The following FAM186A variants were observed in gnomAD, a reference collection of about 807,000 sequenced individuals.
The protein encoded by FAM186A is family with sequence similarity 186 member A.
FAM186A carries 163 observed loss-of-function variants against 216.8 expected under a neutral mutation model. The observed-to-expected ratio is 0.75, with a 90% confidence interval of 0.66 to 0.86. FAM186A has a LOEUF of 0.86. FAM186A is among the 40% of genes least tolerant of loss of function. FAM186A has a pLI of 0.00. For synonymous variants in FAM186A, 805 were observed against 1,025.3 expected, an observed-to-expected ratio of 0.79 and a Z score of 4.10; for missense variants, 2,184 against 2,746.2, an observed-to-expected ratio of 0.80 and a Z score of 4.58.
At chr12:50,373,396 C>CA (rs1379286799) in intron 1 of FAM186A, among the ~76,000 whole-genome samples, 15 of 151,914 alleles carry the variant, frequency 9.9e-5, no homozygotes, top group African/African-American at 2.9e-4. Context: ...GACTCCATCT[C>CA]AAAAAAACAA....
intron 1 of FAM186A, among the ~76,000 whole-genome samples, chr12:50,395,772 T>C (rs1943406381): frequency 6.6e-6 from 1 of 152,168 alleles, no homozygotes; most frequent in African/African-American, 2.4e-5. Context: ...AAACTTTTTT[T>C]TTTTTTGAGA....
chr12:50,381,789 G>T (rs1943255651), intron 1 of FAM186A, among the ~76,000 whole-genome samples: 1 of 152,018 alleles, frequency 6.6e-6, no homozygotes, highest in East Asian at 1.9e-4. Context: ...GCAAGACCCT[G>T]TCTCTATAAA....
At chr12:50,368,941 T>G (rs1943115441) in intron 1 of FAM186A, among the ~76,000 whole-genome samples, 1 of 148,816 alleles carries the variant, frequency 6.7e-6, no homozygotes, top group African/African-American at 2.5e-5. Flanking sequence ...TCTAAGGCCA[T>G]CCAATGAGGA....
intron 1 of FAM186A, among the ~76,000 whole-genome samples, chr12:50,395,247 C>T (rs911922441): frequency 2.6e-5 from 4 of 151,872 alleles, no homozygotes; most frequent in Non-Finnish European, 5.9e-5. Flanking sequence ...AGCTAACATG[C>T]CTGGCTAATT....
chr12:50,327,353 C>T lies in FAM186A; in HGVS notation c.*30G>A, dbSNP rs2138753935. 1 of 1,529,866 alleles carries T rather than the reference C, an allele frequency of 6.5e-7. No homozygotes were observed. The highest frequency in any genetic ancestry group is 8.9e-7 in the Non-Finnish European group (1 of 1,127,910). The allele number at this position is 1,529,866 out of a possible 1,614,324, so 94.8% of individuals were successfully genotyped here. A position where few individuals can be genotyped will look rare whatever the true frequency, so the allele number is the denominator to read the frequency against. ...TTTTACTGAAAGATACTGAAATGTA[C>T]TTTCAACATGCTTGTATTTAATTTT... On this transcript the variant is annotated 3_prime_UTR_variant, in exon 8 of 8. Coordinates refer to ENST00000327337, the MANE Select transcript of FAM186A (RefSeq NM_001145475.3).
chr12:50,372,974 CGGAG>C (rs1761237097), intron 1 of FAM186A, among the ~76,000 whole-genome samples: 2 of 94,972 alleles, frequency 2.1e-5, no homozygotes, highest in African/African-American at 4.0e-5. Flanking sequence ...GAGGGAGGGA[CGGAG>C]GGAGGAAGGA....
At chr12:50,363,474 G>T in intron 1 of FAM186A, 110 bp from the exon 2 acceptor site, 1 of 974,544 alleles carries the variant, frequency 1.0e-6, no homozygotes, top group Non-Finnish European at 1.5e-6. Flanking sequence ...TCCAATTAAA[G>T]TCTTGCTAAT....
chr12:50,367,293 C>T (rs1228115176), intron 1 of FAM186A, among the ~76,000 whole-genome samples: 3 of 151,532 alleles, frequency 2.0e-5, no homozygotes, highest in Non-Finnish European at 2.9e-5. Flanking sequence ...CCGAGGCAGG[C>T]GGATCATGAG....
intron 1 of FAM186A, among the ~76,000 whole-genome samples, chr12:50,390,981 T>C (rs904225389): frequency 1.3e-5 from 2 of 151,982 alleles, no homozygotes; most frequent in Non-Finnish European, 2.9e-5. Context: ...TGAGCTACCA[T>C]GCCCTACCTC....
Position 50,389,889 on chromosome 12 carries a change from G to T in FAM186A, c.192+6404C>A, listed in dbSNP as rs140490394. Reference sequence around the variant, plus strand: ...CCACTAAGGAATCTTTGAAGTCCTTGATGATGGCACTAATTCTTCCAGGAA... The same window carrying T: ...CCACTAAGGAATCTTTGAAGTCCTTTATGATGGCACTAATTCTTCCAGGAA... On this transcript the variant is annotated intron_variant, in intron 1 of 7. Transcript: ENST00000327337. Among the ~76,000 whole-genome samples the T allele has an allele frequency of 2.0e-5, 3 of 152,318 alleles. No individual in the cohort carries two copies. The East Asian group carries it at 5.8e-4, about 29-fold the overall frequency.
Position 50,331,836 on chromosome 12 carries a change from A to G in FAM186A, c.6697-15T>C. On this transcript the variant is annotated splice_polypyrimidine_tract_variant and intron_variant, in intron 5 of 7. Coordinates refer to ENST00000327337, the MANE Select transcript of FAM186A (RefSeq NM_001145475.3). ...ATCTTTTTGAGCTATAAAAAAAAAT[A>G]GATCAGAAAAAGGAAACCATGAAAA... 2 of 1,510,188 alleles carry G rather than the reference A, an allele frequency of 1.3e-6. No homozygotes were observed. Among genetic ancestry groups the G allele is most frequent in the Admixed American group, 2.5e-5 (1 of 39,274 alleles). 93.5% of individuals were successfully genotyped at this position (1,510,188 alleles called of 1,614,324 possible).
chr12:50,351,085 G>C lies in FAM186A; in HGVS notation c.5747C>G (p.Pro1916Arg), dbSNP rs780007153. 75 of 1,551,536 alleles carry C rather than the reference G, an allele frequency of 4.8e-5. No individual in the cohort carries two copies. Among genetic ancestry groups the C allele is most frequent in the Non-Finnish European group, 6.5e-5 (74 of 1,146,976 alleles). The change falls in exon 4 of 8, where the codon CCT (proline) becomes CGT (arginine). Residue 1916 changes from proline to arginine, a missense_variant. By Grantham distance (103) the Pro-to-Arg change is moderately radical. Around this residue, in one of 7 missense-constraint regions of FAM186A, gnomAD observed 721 missense variants for 816.4 expected, o/e 0.88. Transcript: ENST00000327337. ...GATCCATAATGAAGAAGCTCGCCCA[G>C]GAAGGGTCCATGTTGCCAGATGCTG... Reference protein sequence around the residue: ...PGQHLATWTLPGRASSLWIPP... With the variant: ...PGQHLATWTLRGRASSLWIPP...
At chr12:50,372,986 G>GGAA (rs2136101731) in intron 1 of FAM186A, among the ~76,000 whole-genome samples, 1 of 19,560 alleles carries the variant, frequency 5.1e-5, no homozygotes, top group East Asian at 1.7e-3. Context: ...GAGGGAGGAA[G>GGAA]GAAGGAAGGA....
Position 50,352,927 on chromosome 12 carries a change from G to T in FAM186A, c.3905C>A (p.Pro1302His). 1 of 1,534,376 alleles carries T rather than the reference G, an allele frequency of 6.5e-7. No individual in the cohort carries two copies. The highest frequency in any genetic ancestry group is 8.8e-7 in the Non-Finnish European group (1 of 1,137,410). ...NPQQAQTLGI[P>H]LTPKQAQALG... ...AGCCTGTGCCTGCTTAGGGGTGAGA[G>T]GGATCCCCAGGGTCTGGGCCTGCTG... Residue 1302 changes from proline to histidine, a missense_variant, in exon 4 of 8, where the codon CCT (proline) becomes CAT (histidine). Pro to His is a moderately conservative substitution (Grantham distance 77). Transcript: ENST00000327337.
Position 50,355,127 on chromosome 12 carries a change from G to C in FAM186A, c.1705C>G (p.Pro569Ala), listed in dbSNP as rs1382740127. Residue 569 changes from proline to alanine, a missense_variant, in exon 4 of 8, where the codon CCC becomes GCC. Pro to Ala is a conservative substitution (Grantham distance 27). Around this residue, in one of 7 missense-constraint regions of FAM186A, gnomAD observed 1,132 missense variants for 1,263.4 expected, o/e 0.90. Coordinates refer to ENST00000327337, the MANE Select transcript of FAM186A (RefSeq NM_001145475.3). ...TCTTTGTCCAATGACTCAGTGGTGG[G>C]TTCCACTTTAATCTCTGCTGCAGTT... ...RPTAAEIKVE[P>A]TTESLDKEGK... The C allele has an allele frequency of 1.0e-5, 16 of 1,551,592 alleles. No individual in the cohort carries two copies. Among genetic ancestry groups the C allele is most frequent in the Non-Finnish European group, 1.4e-5 (16 of 1,146,962 alleles).
At position 50,363,297 on chromosome 12, in the gene FAM186A, A is replaced by G; in HGVS notation, c.260T>C (p.Val87Ala). The change falls in exon 2 of 8, where the codon GTT (valine) becomes GCT (alanine). Residue 87 changes from valine to alanine, a missense_variant. Physicochemically the swap from Val to Ala is moderately conservative, Grantham distance 64 (BLOSUM62 0). This residue lies in a region of FAM186A where 1,132 missense variants were observed against 1,263.4 expected (regional missense o/e 0.90). Coordinates refer to ENST00000327337, the MANE Select transcript of FAM186A (RefSeq NM_001145475.3). ...VHRIMTRYTL[V>A]FNSSSERNVS... ...ATTCCTTTCAGAGGACGAGTTAAAA[A>G]CAAGAGTATAGCGAGTCATTATCCG... The G allele has an allele frequency of 6.4e-7, 1 of 1,551,566 alleles. No individual in the cohort carries two copies. The highest frequency in any genetic ancestry group is 8.7e-7 in the Non-Finnish European group (1 of 1,146,956).
intron 6 of FAM186A, 89 bp from the exon 7 acceptor site, chr12:50,330,847 A>G (rs1942650254): frequency 8.8e-7 from 1 of 1,135,422 alleles, no homozygotes; most frequent in African/African-American, 1.6e-5. Context: ...CTTCACTGCC[A>G]CCTTGTCCTA....
Position 50,350,684 on chromosome 12 carries a change from G to C in FAM186A, c.6148C>G (p.Leu2050Val), listed in dbSNP as rs1381438943. 6.4e-6 allele frequency: 10 copies of C among 1,551,536 alleles called. No individual in the cohort carries two copies. The East Asian group carries it at 2.4e-4, about 38-fold the overall frequency. ...LMKPTTSPSS[L>V]TTLLRTSQIS... ...TGTGATGTTCTGAGTAGAGTAGTGA[G>C]AGAAGATGGTGATGTTGTTGGCTTC... The change falls in exon 4 of 8, where the codon CTC (leucine) becomes GTC (valine). Residue 2050 changes from leucine to valine, a missense_variant. Around this residue, in one of 7 missense-constraint regions of FAM186A, gnomAD observed 721 missense variants for 816.4 expected, o/e 0.88. Coordinates refer to ENST00000327337, the MANE Select transcript of FAM186A (RefSeq NM_001145475.3).
At chr12:50,372,997 A>AAGAAAG (rs1943158142) in intron 1 of FAM186A, among the ~76,000 whole-genome samples, 1 of 70,252 alleles carries the variant, frequency 1.4e-5, no homozygotes, top group Non-Finnish European at 2.7e-5. Flanking sequence ...GAAGGAAGGA[A>AAGAAAG]TGAAAGAAAG....
Sources: gnomAD v4.1 joint callset for allele counts (sites outside exome capture counted in the v4.1 genomes callset) on GRCh38, gnomAD v4.1.1 for gene constraint, gnomAD v4.1.1 regional missense constraint, MANE v1.5 for transcripts, NCBI Gene and HGNC (gene_info 2026-07-23, HGNC 2026-07-21) for gene names.